CNTNAP2: variants seen among roughly 807,000 people sequenced by gnomAD.
The protein encoded by CNTNAP2 is contactin-associated protein-like 2.
CNTNAP2 carries 98 observed loss-of-function variants against 155.2 expected under a neutral mutation model. That is an observed-to-expected ratio of 0.63 (90% CI 0.54 to 0.75). CNTNAP2 has a LOEUF of 0.75. Among genes scored for constraint, CNTNAP2 ranks in the 30% least tolerant of loss-of-function variants. CNTNAP2 has a pLI of 0.00. For missense variants in CNTNAP2, 1,727 were observed against 1,688.1 expected (o/e 1.02, Z -0.40); for synonymous variants, 651 against 631.2 (o/e 1.03, Z -0.47).
At chr7:146,793,501 A>G (rs573017997) in intron 2 of CNTNAP2, among the ~76,000 whole-genome samples, 1 of 152,330 alleles carries the variant, frequency 6.6e-6, no homozygotes, top group East Asian at 1.9e-4. Flanking sequence ...ATTCATTTAT[A>G]GCCTGGTGGT....
chr7:147,142,509 C>T (rs571489384), intron 8 of CNTNAP2, among the ~76,000 whole-genome samples: 78 of 152,250 alleles, frequency 5.1e-4, no homozygotes, highest in African/African-American at 1.7e-3. Flanking sequence ...CATCAAAGTT[C>T]ATCAGGGATA....
At chr7:148,340,675 C>T (rs1798213859) in intron 21 of CNTNAP2, among the ~76,000 whole-genome samples, 1 of 152,242 alleles carries the variant, frequency 6.6e-6, no homozygotes, top group Admixed American at 6.5e-5. Context: ...ATTTCTTCCA[C>T]ATACCCTATT....
Position 148,071,746 on chromosome 7 carries a change from G to A in CNTNAP2, c.2384-46372G>A, listed in dbSNP as rs541384673. On this transcript the variant is annotated intron_variant, in intron 15 of 23. Coordinates refer to ENST00000361727, the MANE Select transcript of CNTNAP2 (RefSeq NM_014141.6). Reference sequence around the variant, plus strand: ...TTCTTTTTCCATAAATACTTACCTTGTGAAAACTCCTCTGCAATCTCTACT... The same window carrying A: ...TTCTTTTTCCATAAATACTTACCTTATGAAAACTCCTCTGCAATCTCTACT... Among the ~76,000 whole-genome samples the A allele has an allele frequency of 2.6e-5, 4 of 152,276 alleles. No individual in the cohort carries two copies. The South Asian group carries it at 8.3e-4, about 32-fold the overall frequency.
chr7:146,953,986 T>C (rs747202255), intron 3 of CNTNAP2, among the ~76,000 whole-genome samples: 12 of 151,984 alleles, frequency 7.9e-5, no homozygotes, highest in Non-Finnish European at 1.6e-4. Context: ...GATAGCTGTA[T>C]ATAATCAACT....
At chr7:146,749,889 G>A (rs1288930787) in intron 1 of CNTNAP2, among the ~76,000 whole-genome samples, 1 of 152,140 alleles carries the variant, frequency 6.6e-6, no homozygotes, top group Non-Finnish European at 1.5e-5. Flanking sequence ...TATCTTCTCA[G>A]TATCTCACCT....
chr7:146,619,921 G>T (rs528359149), intron 1 of CNTNAP2, among the ~76,000 whole-genome samples: 1 of 152,082 alleles, frequency 6.6e-6, no homozygotes, highest in African/African-American at 2.4e-5. Flanking sequence ...CAGTGCTGGA[G>T]AATTCTACGT....
intron 13 of CNTNAP2, among the ~76,000 whole-genome samples, chr7:147,803,766 T>A (rs1394360049): frequency 6.6e-6 from 1 of 152,188 alleles, no homozygotes; most frequent in African/African-American, 2.4e-5. Context: ...GATGCTTTAA[T>A]GTGAATACTT....
intron 4 of CNTNAP2, among the ~76,000 whole-genome samples, chr7:147,056,545 A>G (rs1180343442): frequency 6.6e-6 from 1 of 151,856 alleles, no homozygotes; most frequent in Non-Finnish European, 1.5e-5. Context: ...ATTAATCTCT[A>G]CTCCAAATTT....
At chr7:147,309,615 C>G (rs1046787779) in intron 9 of CNTNAP2, among the ~76,000 whole-genome samples, 1 of 152,196 alleles carries the variant, frequency 6.6e-6, no homozygotes, top group East Asian at 1.9e-4. Flanking sequence ...CCTAGAAACT[C>G]TGTGTCAATT....
At chr7:147,839,472 G>T (rs553377679) in intron 13 of CNTNAP2, among the ~76,000 whole-genome samples, 1 of 152,302 alleles carries the variant, frequency 6.6e-6, no homozygotes, top group Non-Finnish European at 1.5e-5. Flanking sequence ...ATTTCCAGAG[G>T]CAGTCACTCT....
At chr7:146,297,310 A>G (rs1055529709) in intron 1 of CNTNAP2, among the ~76,000 whole-genome samples, 3 of 152,044 alleles carry the variant, frequency 2.0e-5, no homozygotes, top group Non-Finnish European at 4.4e-5. Flanking sequence ...TTTCAAATTA[A>G]TATCAAGAGC....
intron 9 of CNTNAP2, among the ~76,000 whole-genome samples, chr7:147,370,224 T>C (rs1337621293): frequency 6.6e-6 from 1 of 152,214 alleles, no homozygotes; most frequent in Non-Finnish European, 1.5e-5. Context: ...CTTAAATATA[T>C]ATGGAAGAAA....
At chr7:148,175,464 G>A (rs938049146) in intron 18 of CNTNAP2, among the ~76,000 whole-genome samples, 1 of 152,074 alleles carries the variant, frequency 6.6e-6, no homozygotes, top group Non-Finnish European at 1.5e-5. Context: ...AAAATTTTAT[G>A]TAATTATATT....
intron 1 of CNTNAP2, among the ~76,000 whole-genome samples, chr7:146,135,948 A>G (rs1437035799): frequency 6.6e-6 from 1 of 152,134 alleles, no homozygotes; most frequent in African/African-American, 2.4e-5. Context: ...CTTGTTTGAT[A>G]GTCTGTGTGT....
chr7:147,618,376 C>T (rs1801331671), intron 12 of CNTNAP2, among the ~76,000 whole-genome samples: 1 of 151,972 alleles, frequency 6.6e-6, no homozygotes, highest in African/African-American at 2.4e-5. Flanking sequence ...CATAATATTC[C>T]TTTTGTAAAA....
chr7:147,651,504 T>A (rs2116941170), intron 13 of CNTNAP2, among the ~76,000 whole-genome samples: 1 of 152,344 alleles, frequency 6.6e-6, no homozygotes, highest in East Asian at 1.9e-4. Context: ...TACTGATAAA[T>A]CTATTTCTAG....
At chr7:146,506,575 T>G (rs956111516) in intron 1 of CNTNAP2, among the ~76,000 whole-genome samples, 8 of 152,184 alleles carry the variant, frequency 5.3e-5, no homozygotes, top group Admixed American at 1.3e-4. Context: ...ACATGATAAA[T>G]AGTTACAACC....
At chr7:147,924,560 C>T (rs756170257) in intron 14 of CNTNAP2, among the ~76,000 whole-genome samples, 22 of 152,286 alleles carry the variant, frequency 1.4e-4, no homozygotes, top group Middle Eastern at 6.8e-3. Flanking sequence ...AATTAACCTG[C>T]ACAAGACCAC....
chr7:148,157,571 C>CAGAAAAAAAAAAA (rs1805422375), intron 17 of CNTNAP2, among the ~76,000 whole-genome samples: 1 of 111,222 alleles, frequency 9.0e-6, no homozygotes, highest in African/African-American at 3.6e-5. Context: ...GCAGAAGCAG[C>CAGAAAAAAAAAAA]AAAAAAAAAA....
Sources: allele counts gnomAD v4.1 joint callset (sites outside exome capture counted in the v4.1 genomes callset), GRCh38; gene constraint gnomAD v4.1.1; transcripts MANE v1.5; gene names NCBI Gene and HGNC (gene_info 2026-07-23, HGNC 2026-07-21).